SCP2: variants seen among roughly 807,000 people sequenced by gnomAD.
SCP2 encodes the protein SCP-2/3-oxoacyl-CoA thiolase.
SCP2 carries 48 observed loss-of-function variants against 71.4 expected under a neutral mutation model. The ratio of observed to expected loss-of-function variants is 0.67; its 90% confidence interval spans 0.53 to 0.86. SCP2 has a LOEUF of 0.86. Ranked by LOEUF, SCP2 falls within the 40% of genes least tolerant of loss-of-function variation. SCP2 has a pLI of 0.00. For synonymous variants in SCP2, 220 were observed against 218.1 expected (o/e 1.01, Z -0.08); for missense variants, 560 against 655.6 (o/e 0.85, Z 1.59).
At chr1:52,962,226 A>C (rs1027169304) in intron 6 of SCP2, among the ~76,000 whole-genome samples, 2 of 152,170 alleles carry the variant, frequency 1.3e-5, no homozygotes, top group Non-Finnish European at 2.9e-5. Flanking sequence ...GAGGATCTTA[A>C]AATGTCAACC....
At chr1:53,012,324 C>G (rs1378761815) in intron 11 of SCP2, among the ~76,000 whole-genome samples, 1 of 152,224 alleles carries the variant, frequency 6.6e-6, no homozygotes, top group Admixed American at 6.5e-5. Flanking sequence ...TTTGTCCAAT[C>G]ATATTTCTAT....
intron 1 of SCP2, among the ~76,000 whole-genome samples, chr1:52,929,612 T>C (rs911504313): frequency 2.6e-5 from 4 of 151,784 alleles, no homozygotes; most frequent in African/African-American, 4.8e-5. Flanking sequence ...GCCCAGCTAC[T>C]TTTTGTATTT....
At chr1:53,049,132 G>T (rs1664035856) in intron 15 of SCP2, 1 of 152,232 alleles carries the variant, frequency 6.6e-6, no homozygotes, top group South Asian at 2.1e-4. Flanking sequence ...CCAGAAATCT[G>T]GACAGAACAG....
chr1:52,942,500 T>TG (rs1654344651), intron 2 of SCP2, among the ~76,000 whole-genome samples: 1 of 152,066 alleles, frequency 6.6e-6, no homozygotes, highest in Non-Finnish European at 1.5e-5. Flanking sequence ...GGCTGCACTG[T>TG]GGGTCTGAGT....
At chr1:52,955,158 C>T (rs1655682426) in intron 5 of SCP2, among the ~76,000 whole-genome samples, 2 of 152,266 alleles carry the variant, frequency 1.3e-5, no homozygotes, top group South Asian at 4.1e-4. Flanking sequence ...CCAGTTCTCT[C>T]ACTGATAACA....
intron 14 of SCP2, among the ~76,000 whole-genome samples, chr1:53,042,138 T>TG (rs1663480093): frequency 6.6e-6 from 1 of 151,730 alleles, no homozygotes; most frequent in Non-Finnish European, 1.5e-5. Context: ...CCAAAATGAA[T>TG]GGGAAAAAAA....
intron 14 of SCP2, among the ~76,000 whole-genome samples, chr1:53,047,550 T>C (rs1416009540): frequency 6.6e-6 from 1 of 152,250 alleles, no homozygotes; most frequent in Non-Finnish European, 1.5e-5. Flanking sequence ...ATGAATAATG[T>C]AACATGAACA....
chr1:52,956,155 T>G (rs540989378), intron 5 of SCP2, among the ~76,000 whole-genome samples: 32 of 152,128 alleles, frequency 2.1e-4, no homozygotes, highest in African/African-American at 7.7e-4. Context: ...ATACAAAAAA[T>G]TAGCCGGGTG....
intron 11 of SCP2, among the ~76,000 whole-genome samples, chr1:52,990,010 T>C (rs1659328558): frequency 6.6e-6 from 1 of 152,204 alleles, no homozygotes; most frequent in African/African-American, 2.4e-5. Context: ...TACCACATTA[T>C]GCAGGTAGAG....
intron 10 of SCP2, among the ~76,000 whole-genome samples, chr1:52,986,526 T>C (rs1406174715): frequency 1.3e-5 from 2 of 152,216 alleles, no homozygotes; most frequent in African/African-American, 2.4e-5. Context: ...AATCCTGTGA[T>C]TAGTGTATTT....
chr1:53,025,215 G>C (rs80162538), intron 12 of SCP2, among the ~76,000 whole-genome samples: 5,631 of 149,876 alleles, frequency 0.038, 208 homozygotes, highest in East Asian at 0.2. Flanking sequence ...CTTGCTCCCG[G>C]CTCCTATGAC....
rs868402866 is a variant in SCP2, at chr1:53,013,412, C to T, written c.1082-1478C>T. Among the ~76,000 whole-genome samples the T allele has an allele frequency of 5.5e-5, 8 of 144,446 alleles. 2 individuals carry two copies. The Admixed American group carries it at 5.6e-4, about 10-fold the overall frequency. 94.8% of individuals were successfully genotyped at this position (144,446 alleles called of 152,430 possible). A position where few individuals can be genotyped will look rare whatever the true frequency, so the allele number is the denominator to read the frequency against. On this transcript the variant is annotated intron_variant, in intron 11 of 15. Transcript: ENST00000371514. ...CAGCCTGGCGAATATAGTGAAACCC[C>T]GTCTCTACTAAAAAAAAAAAAAAAA...
At chr1:53,025,763 T>C (rs1662085091) in intron 12 of SCP2, among the ~76,000 whole-genome samples, 1 of 152,226 alleles carries the variant, frequency 6.6e-6, no homozygotes, top group South Asian at 2.1e-4. Context: ...CTCCTCTTGC[T>C]CCTCTCTCCA....
At chr1:53,040,041 T>C (rs770538154) in intron 14 of SCP2, among the ~76,000 whole-genome samples, 1 of 152,208 alleles carries the variant, frequency 6.6e-6, no homozygotes, top group Non-Finnish European at 1.5e-5. Flanking sequence ...GGCCACTTTT[T>C]TTCTCTTATA....
At chr1:52,939,402 C>T (rs1216309440) in intron 1 of SCP2, among the ~76,000 whole-genome samples, 2 of 151,870 alleles carry the variant, frequency 1.3e-5, no homozygotes, top group Non-Finnish European at 2.9e-5. Flanking sequence ...AAAAATTAGC[C>T]AGGCATGATT....
At chr1:52,992,905 A>G (rs1659623430) in intron 11 of SCP2, among the ~76,000 whole-genome samples, 1 of 152,178 alleles carries the variant, frequency 6.6e-6, no homozygotes, top group African/African-American at 2.4e-5. Context: ...TCCAAAACTG[A>G]TTCATCTCTA....
At chr1:52,995,048 A>G (rs1265270400) in intron 11 of SCP2, 4 of 502,706 alleles carry the variant, frequency 8.0e-6, no homozygotes, top group African/African-American at 2.0e-5. Flanking sequence ...CACTACATAG[A>G]GGGGGCCAAG....
intron 11 of SCP2, among the ~76,000 whole-genome samples, chr1:53,004,565 T>C (rs1660507451): frequency 6.6e-6 from 1 of 152,198 alleles, no homozygotes; most frequent in Non-Finnish European, 1.5e-5. Context: ...TTTGTGACAA[T>C]ACATCCTCCC....
intron 6 of SCP2, 145 bp downstream of exon 6, chr1:52,961,774 C>A: frequency 1.4e-6 from 1 of 730,116 alleles, no homozygotes. Flanking sequence ...AGTAATAGTT[C>A]TTGTAGAACT....
Sources: gnomAD v4.1 joint callset for allele counts (sites outside exome capture counted in the v4.1 genomes callset) on GRCh38, gnomAD v4.1.1 for gene constraint, MANE v1.5 for transcripts, NCBI Gene and HGNC (gene_info 2026-07-23, HGNC 2026-07-21) for gene names.